Variants in VPS13B observed in about 807,000 individuals in gnomAD.
VPS13B encodes the protein vacuolar protein sorting 13 homolog B.
A neutral mutation model predicts 426.4 loss-of-function variants in VPS13B; 285 were observed. The observed-to-expected ratio is 0.67, with a 90% confidence interval of 0.61 to 0.74. The LOEUF (loss-of-function observed/expected upper bound fraction) is 0.74, where lower values mean the gene tolerates loss of function less well. Among genes scored for constraint, VPS13B ranks in the 30% least tolerant of loss-of-function variants. The pLI is 0.00. For missense variants in VPS13B, 4,537 were observed against 4,782.6 expected, an observed-to-expected ratio of 0.95 and a Z score of 1.51; for synonymous variants, 1,676 against 1,676.4, an observed-to-expected ratio of 1.00 and a Z score of 0.01.
At chr8:99,775,320 C>T (rs1039739697) in intron 40 of VPS13B, among the ~76,000 whole-genome samples, 7 of 152,078 alleles carry the variant, frequency 4.6e-5, no homozygotes, top group African/African-American at 1.2e-4. Flanking sequence ...TCCTTAGGCT[C>T]CTCATGGATT....
chr8:99,672,609 C>G lies in VPS13B; in HGVS notation c.6046+11118C>G, dbSNP rs192536379. ...ATCTGTGGAGACAATTTAAATTCACCTTTTCCTATTTGGATTCCTTTTATT... is the reference window on the plus strand; with the variant it reads ...ATCTGTGGAGACAATTTAAATTCACGTTTTCCTATTTGGATTCCTTTTATT... On this transcript the variant is annotated intron_variant, in intron 35 of 61. Transcript: ENST00000357162. 4.2e-3 allele frequency among the ~76,000 whole-genome samples: 632 copies of G among 152,070 alleles called. 4 individuals are homozygous for G. The highest frequency in any genetic ancestry group is 8.1e-3 in the South Asian group (39 of 4,814).
chr8:99,480,637 C>T (rs1050452508), intron 24 of VPS13B, among the ~76,000 whole-genome samples: 2 of 151,910 alleles, frequency 1.3e-5, no homozygotes, highest in Admixed American at 1.3e-4. Flanking sequence ...ACAAAAATAG[C>T]TGTAACCTGA....
At chr8:99,194,189 A>T (rs1456345805) in intron 17 of VPS13B, among the ~76,000 whole-genome samples, 1 of 152,172 alleles carries the variant, frequency 6.6e-6, no homozygotes, top group East Asian at 1.9e-4. Flanking sequence ...TTAGCATTAT[A>T]TAAAGAATAA....
In VPS13B at chr8:99,556,495, C is replaced by T. The variant is rs543837370; in HGVS notation, c.4791C>T (p.Ile1597=). ...LGILRDPGSE[I]EDRQYQIDLQ... ...TTCTTCGAGATCCTGGATCAGAAAT[C>T]GAAGACAGACAATACCAAATAGATC... is the stretch of plus-strand genomic sequence containing the variant. The change falls in exon 31 of 62, where the codon ATC becomes ATT. Residue 1597 remains isoleucine (I), a synonymous_variant. Coordinates refer to ENST00000357162, the MANE Select transcript of VPS13B (RefSeq NM_152564.5). 2.4e-5 allele frequency: 38 copies of T among 1,612,926 alleles called. No homozygotes were observed. The highest frequency in any genetic ancestry group is 1.9e-4 in the African/African-American group (14 of 74,922).
intron 52 of VPS13B, among the ~76,000 whole-genome samples, chr8:99,834,805 C>T (rs1433755355): frequency 6.6e-6 from 1 of 152,224 alleles, no homozygotes; most frequent in Non-Finnish European, 1.5e-5. Context: ...AGCAATTCTC[C>T]TGCCTTGGCT....
At chr8:99,112,889 C>T (rs982170966) in intron 6 of VPS13B, among the ~76,000 whole-genome samples, 3 of 152,078 alleles carry the variant, frequency 2.0e-5, no homozygotes, top group Admixed American at 1.3e-4. Context: ...CATTACATTT[C>T]ACTGAAAAAG....
At chr8:99,543,683 A>T (rs1305782756) in intron 30 of VPS13B, among the ~76,000 whole-genome samples, 5 of 149,816 alleles carry the variant, frequency 3.3e-5, no homozygotes, top group African/African-American at 1.2e-4. Flanking sequence ...AAAAGAAGAC[A>T]TTTATGCAGC....
intron 3 of VPS13B, among the ~76,000 whole-genome samples, chr8:99,052,882 C>G (rs1039496913): frequency 1.3e-5 from 2 of 152,076 alleles, no homozygotes; most frequent in East Asian, 1.9e-4. Context: ...GTGATATCCC[C>G]TTTATCATAT....
chr8:99,246,437 A>G (rs2132903719), intron 17 of VPS13B, among the ~76,000 whole-genome samples: 1 of 152,344 alleles, frequency 6.6e-6, no homozygotes, highest in African/African-American at 2.4e-5. Flanking sequence ...AGTAACCACC[A>G]TTATTTGGCT....
intron 16 of VPS13B, 82 bp from the exon 17 acceptor site, chr8:99,192,794 C>T: frequency 5.4e-6 from 8 of 1,490,064 alleles, no homozygotes; most frequent in Admixed American, 5.1e-5. Context: ...CCCTTTCTTC[C>T]CTTGCAACCT....
intron 19 of VPS13B, among the ~76,000 whole-genome samples, chr8:99,306,479 G>T (rs1820642804): frequency 1.3e-5 from 2 of 151,986 alleles, no homozygotes; most frequent in Non-Finnish European, 2.9e-5. Flanking sequence ...GGAACATCTT[G>T]GTCCTGGTAG....
At chr8:99,447,792 A>G (rs950836330) in intron 23 of VPS13B, among the ~76,000 whole-genome samples, 5 of 151,992 alleles carry the variant, frequency 3.3e-5, no homozygotes, top group African/African-American at 7.2e-5. Context: ...TAGGAGAGGG[A>G]TCATTCAACA....
chr8:99,330,670 T>C (rs971705558), intron 19 of VPS13B, among the ~76,000 whole-genome samples: 4 of 151,846 alleles, frequency 2.6e-5, no homozygotes, highest in African/African-American at 9.7e-5. Context: ...AATGGAGTGC[T>C]GGGTTGAAAA....
chr8:99,846,022 C>T (rs771264750), intron 54 of VPS13B, among the ~76,000 whole-genome samples: 10 of 152,222 alleles, frequency 6.6e-5, no homozygotes, highest in Admixed American at 1.3e-4. Context: ...GCAGGGGTGG[C>T]GGGGAGTATA....
intron 33 of VPS13B, among the ~76,000 whole-genome samples, chr8:99,641,304 T>A (rs944442479): frequency 9.9e-5 from 15 of 152,210 alleles, no homozygotes; most frequent in African/African-American, 3.6e-4. Context: ...TTGTCCTTCA[T>A]AATTTAGGAC....
chr8:99,221,378 A>G (rs911218021), intron 17 of VPS13B, among the ~76,000 whole-genome samples: 3 of 152,238 alleles, frequency 2.0e-5, no homozygotes, highest in African/African-American at 4.8e-5. Context: ...ACTTCGTTTC[A>G]GAATTTTGAG....
Position 99,182,991 on chromosome 8 carries a change from G to A in VPS13B, c.2334-9885G>A, listed in dbSNP as rs146352846. ...TGACCTCAGGTGATCCGCCTACCTC[G>A]GCCTCCCAAAGTGCTGGGATTGCAG... On this transcript the variant is annotated intron_variant, in intron 16 of 61. Transcript: ENST00000357162. Among the ~76,000 whole-genome samples the A allele has an allele frequency of 7.9e-3, 1,202 of 152,158 alleles. 10 individuals carry two copies. Among genetic ancestry groups the A allele is most frequent in the Non-Finnish European group, 0.013 (888 of 67,986 alleles).
intron 56 of VPS13B, among the ~76,000 whole-genome samples, chr8:99,855,558 A>G (rs777522017): frequency 1.1e-4 from 17 of 152,212 alleles, no homozygotes; most frequent in Non-Finnish European, 1.6e-4. Context: ...GCCCTTTCCA[A>G]TAAAGAACAT....
chr8:99,729,712 T>C (rs1391552659), intron 39 of VPS13B, among the ~76,000 whole-genome samples: 2 of 152,246 alleles, frequency 1.3e-5, no homozygotes, highest in African/African-American at 4.8e-5. Context: ...TTTCATTGTG[T>C]TTAGTTTTCT....
Sources: allele counts gnomAD v4.1 joint callset (sites outside exome capture counted in the v4.1 genomes callset), GRCh38; gene constraint gnomAD v4.1.1; transcripts MANE v1.5; gene names NCBI Gene and HGNC (gene_info 2026-07-23, HGNC 2026-07-21).